PPP2R5B: variants seen among roughly 807,000 people sequenced by gnomAD.
PPP2R5B encodes protein phosphatase 2 regulatory subunit B'beta, also known as serine/threonine-protein phosphatase 2A 56 kDa regulatory subunit beta isoform.
In PPP2R5B, 19 loss-of-function variants were observed where a neutral mutation model predicts 59.9. The observed-to-expected ratio is 0.32, with a 90% CI of 0.22 to 0.47. The LOEUF is 0.47. PPP2R5B is among the 20% of genes least tolerant of loss of function. The probability of loss-of-function intolerance (pLI) is 1.00; values close to 1 mark genes in which losing one functional copy is unlikely to be tolerated. For synonymous variants in PPP2R5B, 286 were observed against 260.5 expected (o/e 1.10, Z -0.94); for missense variants, 441 against 640.2 (o/e 0.69, Z 3.36).
intron 6 of PPP2R5B, among the ~76,000 whole-genome samples, chr11:64,929,320 G>A (rs1004244409): frequency 6.6e-6 from 1 of 152,218 alleles, no homozygotes. Flanking sequence ...ACGTGGCCTT[G>A]TAGTTGAGAC....
chr11:64,921,252 G>A (rs1195837863), upstream of PPP2R5B, among the ~76,000 whole-genome samples: 2 of 152,054 alleles, frequency 1.3e-5, no homozygotes, highest in East Asian at 3.9e-4. Context: ...CCCTGCACCT[G>A]GCCTAGGTCC....
At position 64,934,440 on chromosome 11, in the gene PPP2R5B, T is replaced by A. The variant is rs1945266044; in HGVS notation, c.*596T>A. 2 of 405,924 alleles carry A rather than the reference T, an allele frequency of 4.9e-6. No homozygotes were observed. The highest frequency in any genetic ancestry group is 9.1e-6 in the Non-Finnish European group (2 of 218,674). 25.1% of individuals were successfully genotyped at this position (405,924 alleles called of 1,614,324 possible). A position where few individuals can be genotyped will look rare whatever the true frequency, so the allele number is the denominator to read the frequency against. On this transcript the variant is annotated 3_prime_UTR_variant, in exon 14 of 14. Transcript: ENST00000164133. ...TAATCATGGTCTACTCCTCTTTCCG[T>A]GGCTGGGGGTAGACTTAATAAAGAG...
At position 64,930,377 on chromosome 11, in the gene PPP2R5B, G is replaced by A. The variant is rs1315924261; in HGVS notation, c.778G>A (p.Gly260Arg). ...NGVAELLEILGSIINGFALPL... is the reference protein window; with the variant it reads ...NGVAELLEILRSIINGFALPL... ...TGTGGCTGAGCTGCTGGAGATCCTAGGAAGGTGATTCTCCCTGGGCCTCAG... is the reference window on the plus strand; with the variant it reads ...TGTGGCTGAGCTGCTGGAGATCCTAAGAAGGTGATTCTCCCTGGGCCTCAG... The change falls in exon 7 of 14, where the codon GGA becomes AGA. Residue 260 changes from glycine (G) to arginine (R), a missense_variant. Physicochemically the swap from Gly to Arg is moderately radical, Grantham distance 125 (BLOSUM62 -2). Around this residue, in one of 3 missense-constraint regions of PPP2R5B, gnomAD observed 268 missense variants for 488.1 expected, o/e 0.55. Transcript: ENST00000164133. 6.2e-7 allele frequency: 1 copy of A among 1,613,850 alleles called. No homozygotes were observed. Among genetic ancestry groups the A allele is most frequent in the Admixed American group, 1.7e-5 (1 of 60,016 alleles).
chr11:64,930,969 G>A (rs1347148609), intron 8 of PPP2R5B, among the ~76,000 whole-genome samples: 1 of 152,100 alleles, frequency 6.6e-6, no homozygotes, highest in East Asian at 1.9e-4. Flanking sequence ...TACCTGCTGG[G>A]CTCAAGCAGT....
intron 11 of PPP2R5B, among the ~76,000 whole-genome samples, 159 bp downstream of exon 11, chr11:64,932,027 C>T (rs1300161855): frequency 2.0e-5 from 3 of 152,174 alleles, no homozygotes; most frequent in East Asian, 1.9e-4. Context: ...GGTGAAGCCT[C>T]GGACCTGCCT....
chr11:64,930,163 T>TG lies in PPP2R5B; in HGVS notation c.723-155dup, dbSNP rs1334502768. ...CAGTGTGGGGGGGCGGGGATCTCAA[T>TG]GGGGCCTGGTTTGGGATGTTGGGAA... On this transcript the variant is annotated intron_variant, in intron 6 of 13. Transcript: ENST00000164133. Among the ~76,000 whole-genome samples the TG allele has an allele frequency of 5.3e-5, 8 of 150,474 alleles. No individual in the cohort carries two copies. The East Asian group carries it at 1.6e-3, about 30-fold the overall frequency.
intron 1 of PPP2R5B, among the ~76,000 whole-genome samples, chr11:64,918,702 C>T (rs1324414205): frequency 1.3e-5 from 2 of 152,088 alleles, no homozygotes; most frequent in Non-Finnish European, 2.9e-5. Context: ...TGCAGTGGTG[C>T]AGTCTCCTCT....
At chr11:64,929,940 G>A (rs571157613) in intron 6 of PPP2R5B, among the ~76,000 whole-genome samples, 4 of 152,180 alleles carry the variant, frequency 2.6e-5, no homozygotes, top group African/African-American at 4.8e-5. Flanking sequence ...TAACATTGGG[G>A]TTGTTTTATT....
chr11:64,932,778 CTCTGTATT>C lies in PPP2R5B; in HGVS notation c.1135_1142del (p.Tyr379GlufsTer3), dbSNP rs749611241. 2 of 1,613,790 alleles carry C rather than the reference CTCTGTATT, an allele frequency of 1.2e-6. No individual in the cohort carries two copies. The highest frequency in any genetic ancestry group is 2.7e-5 in the African/African-American group (2 of 74,870). On this transcript the variant is annotated frameshift_variant, in exon 12 of 14. Transcript: ENST00000164133. LOFTEE classifies it high-confidence loss of function. ...TGTCTGCCCCAGGTTGCAGAGCGGGCTCTGTATTTCTGGAACAATGAGTATATCCTAAG... is the reference window on the plus strand; with the variant it reads ...TGTCTGCCCCAGGTTGCAGAGCGGGCTCTGGAACAATGAGTATATCCTAAG...
At chr11:64,933,270 G>A in intron 13 of PPP2R5B, 24 bp downstream of exon 13, 1 of 1,565,278 alleles carries the variant, frequency 6.4e-7, no homozygotes, top group Non-Finnish European at 8.8e-7. Context: ...GCTGGGCGTG[G>A]GGGAAGGGAG....
At chr11:64,927,968 C>T (rs1945186531) in intron 4 of PPP2R5B, 65 bp downstream of exon 4, 1 of 1,556,720 alleles carries the variant, frequency 6.4e-7, no homozygotes, top group Non-Finnish European at 8.9e-7. Context: ...GGGGAGAGGG[C>T]CTCCTTAGCC....
At chr11:64,919,265 C>A (rs909115142) in intron 1 of PPP2R5B, among the ~76,000 whole-genome samples, 1 of 151,944 alleles carries the variant, frequency 6.6e-6, no homozygotes, top group South Asian at 2.1e-4. Context: ...ATGGTGTGAA[C>A]CTGGGAGGCG....
At position 64,934,163 on chromosome 11, in the gene PPP2R5B, G is replaced by C; in HGVS notation, c.*319G>C. 1 of 325,562 alleles carries C rather than the reference G, an allele frequency of 3.1e-6. No homozygotes were observed. The highest frequency in any genetic ancestry group is 5.6e-6 in the Non-Finnish European group (1 of 179,032). The allele number at this position is 325,562 out of a possible 1,614,324, so 20.2% of individuals were successfully genotyped here. A position where few individuals can be genotyped will look rare whatever the true frequency, so the allele number is the denominator to read the frequency against. On this transcript the variant is annotated 3_prime_UTR_variant, in exon 14 of 14. Transcript: ENST00000164133. ...CTCCCACCCTCTGCTCCTGGCCTTG[G>C]GCAAGGGCACTCAGCGCCTCGCCTG...
At position 64,925,783 on chromosome 11, in the gene PPP2R5B, C is replaced by G. The variant is rs755690336; in HGVS notation, c.49C>G (p.Pro17Ala). The change falls in exon 2 of 14, where the codon CCC becomes GCC. Residue 17 changes from proline to alanine, a missense_variant. Pro to Ala is a conservative substitution (Grantham distance 27). Around this residue, in one of 3 missense-constraint regions of PPP2R5B, gnomAD observed 103 missense variants for 87.9 expected, o/e 1.17. Coordinates refer to ENST00000164133, the MANE Select transcript of PPP2R5B (RefSeq NM_006244.4). The surrounding 1 kb of genome is among the most constrained non-coding windows in gnomAD (Gnocchi z 4.6). ...PASTPTSPSS[P>A]GLSPVPPPDK... Reference sequence around the variant, plus strand: ...AAGCACCCCCACTAGCCCCTCCTCCCCCGGGCTGTCGCCTGTGCCCCCACC... The same window carrying G: ...AAGCACCCCCACTAGCCCCTCCTCCGCCGGGCTGTCGCCTGTGCCCCCACC... 1 of 1,588,848 alleles carries G rather than the reference C, an allele frequency of 6.3e-7. No individual in the cohort carries two copies. Among genetic ancestry groups the G allele is most frequent in the East Asian group, 2.3e-5 (1 of 44,296 alleles).
chr11:64,925,634 A>G lies in PPP2R5B; in HGVS notation c.-101A>G, dbSNP rs1277687927. On this transcript the variant is annotated 5_prime_UTR_variant, in exon 2 of 14. Coordinates refer to ENST00000164133, the MANE Select transcript of PPP2R5B (RefSeq NM_006244.4). The surrounding 1 kb of genome is among the most constrained non-coding windows in gnomAD (Gnocchi z 4.6). ...GTTGTGCCCCCCCCCCAAAGGCCGG[A>G]CAGGATGGGACCAAGTTAGTCTGTC... 60 of 341,136 alleles carry G rather than the reference A, an allele frequency of 1.8e-4. No homozygotes were observed. Among genetic ancestry groups the G allele is most frequent in the Middle Eastern group, 5.1e-4 (1 of 1,980 alleles). 21.1% of individuals were successfully genotyped at this position (341,136 alleles called of 1,614,324 possible). A position where few individuals can be genotyped will look rare whatever the true frequency, so the allele number is the denominator to read the frequency against.
rs766477541 is a variant in PPP2R5B at position 64,933,606 on chromosome 11, G to A, written c.1347-91G>A. 6.2e-5 allele frequency: 89 copies of A among 1,430,400 alleles called. No homozygotes were observed. In the Middle Eastern group the frequency reaches 8.4e-4, roughly 13 times the overall value. The allele number at this position is 1,430,400 out of a possible 1,614,324, so 88.6% of individuals were successfully genotyped here. A position where few individuals can be genotyped will look rare whatever the true frequency, so the allele number is the denominator to read the frequency against. ...AATGGTTCCATGCCTTCCCTTTGCCGGTGGGGTGGTAGTGAGGGAGTCTGG... is the reference window on the plus strand; with the variant it reads ...AATGGTTCCATGCCTTCCCTTTGCCAGTGGGGTGGTAGTGAGGGAGTCTGG... On this transcript the variant is annotated intron_variant, in intron 13 of 13. Coordinates refer to ENST00000164133, the MANE Select transcript of PPP2R5B (RefSeq NM_006244.4).
upstream of PPP2R5B, chr11:64,922,966 TTTTTG>T (rs1275188006): frequency 2.6e-5 from 4 of 152,168 alleles, no homozygotes; most frequent in Non-Finnish European, 5.9e-5. Flanking sequence ...ACATCTCTGT[TTTTTG>T]TTTTGTTTTT....
intron 2 of PPP2R5B, 81 bp from the exon 3 acceptor site, chr11:64,926,631 G>T: frequency 6.7e-7 from 1 of 1,499,122 alleles, no homozygotes; most frequent in South Asian, 1.2e-5. Context: ...CAGCCGTGGA[G>T]ATTAGGAGGG....
rs767035608 is a variant in PPP2R5B at position 64,934,105 on chromosome 11, G to A, written c.*261G>A. The A allele has an allele frequency of 1.9e-4, 78 of 416,974 alleles. No homozygotes were observed. Among genetic ancestry groups the A allele is most frequent in the Non-Finnish European group, 2.8e-4 (67 of 238,336 alleles). 25.8% of individuals were successfully genotyped at this position (416,974 alleles called of 1,614,324 possible). On this transcript the variant is annotated 3_prime_UTR_variant, in exon 14 of 14. Transcript: ENST00000164133. ...AAGCTGCCATCAGGGATCTTCCCCT[G>A]CCCCGCAAAGCTAGGCTCCAGCTGC... is the stretch of plus-strand genomic sequence containing the variant.
Sources: gnomAD v4.1 joint callset for allele counts (sites outside exome capture counted in the v4.1 genomes callset) on GRCh38, gnomAD v4.1.1 for gene constraint, gnomAD v4.1.1 regional missense constraint, Gnocchi (gnomAD v3.1) non-coding constraint, MANE v1.5 for transcripts, NCBI Gene and HGNC (gene_info 2026-07-23, HGNC 2026-07-21) for gene names.